COA1: variants seen among roughly 807,000 people sequenced by gnomAD.
COA1 encodes the protein cytochrome c oxidase assembly factor 1 homolog.
COA1 carries 13 observed loss-of-function variants against 16.0 expected under a neutral mutation model. The observed-to-expected ratio is 0.81, with a 90% confidence interval of 0.53 to 1.29. COA1 has a LOEUF of 1.29. COA1 is among the 50% of genes most tolerant of loss of function. The probability of loss-of-function intolerance (pLI) is 0.00; values close to 1 mark genes in which losing one functional copy is unlikely to be tolerated. For missense variants in COA1, 179 were observed against 177.0 expected (o/e 1.01, Z -0.06); for synonymous variants, 65 against 65.7 (o/e 0.99, Z 0.05).
At chr7:43,621,442 T>C (rs553400999) in intron 6 of COA1, among the ~76,000 whole-genome samples, 3 of 152,328 alleles carry the variant, frequency 2.0e-5, no homozygotes, top group South Asian at 2.1e-4. Flanking sequence ...ATAGTAATTA[T>C]TGCCCTGAAT....
At chr7:43,619,543 T>C in intron 6 of COA1, 1 of 1,585,142 alleles carries the variant, frequency 6.3e-7, no homozygotes, top group South Asian at 1.2e-5. Context: ...GCTGCATGTT[T>C]TGTGTACTTA....
intron 6 of COA1, among the ~76,000 whole-genome samples, chr7:43,628,132 A>G (rs983711151): frequency 6.6e-6 from 1 of 151,908 alleles, no homozygotes; most frequent in Non-Finnish European, 1.5e-5. Flanking sequence ...GATTACAGGC[A>G]TGCGCCACCA....
intron 1 of COA1, among the ~76,000 whole-genome samples, chr7:43,675,618 AGAGT>A (rs2093480041): frequency 6.6e-6 from 1 of 152,220 alleles, no homozygotes; most frequent in East Asian, 1.9e-4. Context: ...AAATAAAAAA[AGAGT>A]AAGTGTAAAT....
chr7:43,679,135 C>T (rs907545689), intron 1 of COA1, among the ~76,000 whole-genome samples: 1 of 151,918 alleles, frequency 6.6e-6, no homozygotes, highest in Non-Finnish European at 1.5e-5. Flanking sequence ...GGCATGGTGG[C>T]GTGCGCCTGT....
chr7:43,679,696 C>A (rs73690127), intron 1 of COA1, among the ~76,000 whole-genome samples: 105 of 152,308 alleles, frequency 6.9e-4, no homozygotes, highest in African/African-American at 2.5e-3. Flanking sequence ...GACTTAAAAT[C>A]AGTCTTATAA....
At chr7:43,638,496 T>C (rs1456648790), downstream of COA1, among the ~76,000 whole-genome samples, 1 of 152,110 alleles carries the variant, frequency 6.6e-6, no homozygotes, top group Non-Finnish European at 1.5e-5. Context: ...TTAAGTTGTT[T>C]GGAAAGCAGA....
At chr7:43,640,087 C>T (rs1253982601) in intron 5 of COA1, among the ~76,000 whole-genome samples, 1 of 152,188 alleles carries the variant, frequency 6.6e-6, no homozygotes, top group Non-Finnish European at 1.5e-5. Context: ...AATTAAAATA[C>T]AGCCTGGCTA....
chr7:43,690,139 T>G (rs900841074), intron 1 of COA1, among the ~76,000 whole-genome samples: 1 of 152,160 alleles, frequency 6.6e-6, no homozygotes, highest in Non-Finnish European at 1.5e-5. Flanking sequence ...AGGGAACACT[T>G]TTACACTGTT....
intron 1 of COA1, among the ~76,000 whole-genome samples, chr7:43,723,596 A>G (rs1487874658): frequency 6.6e-6 from 1 of 152,038 alleles, no homozygotes; most frequent in Non-Finnish European, 1.5e-5. Context: ...CATGATGGGT[A>G]ATTTCCCCAA....
chr7:43,690,202 T>C (rs917178775), intron 1 of COA1, among the ~76,000 whole-genome samples: 11 of 152,182 alleles, frequency 7.2e-5, no homozygotes, highest in African/African-American at 2.4e-4. Context: ...GAAGATTCCT[T>C]AAAGAACTAA....
At position 43,613,962 on chromosome 7, in the gene COA1, G is replaced by A. The variant is rs967930853; in HGVS notation, c.*134-4467C>T. On this transcript the variant is annotated intron_variant and NMD_transcript_variant, in intron 6 of 6. Coordinates refer to the COA1 transcript ENST00000415076. ...ATCAGTATATTACTTGAAAGCAGGG[G>A]TAATAAAAACATTCCTAAACAGTCC... Among the ~76,000 whole-genome samples, 7 of 152,100 alleles carry A rather than the reference G, an allele frequency of 4.6e-5. 1 individual carries two copies. Among genetic ancestry groups the A allele is most frequent in the Admixed American group, 1.3e-4 (2 of 15,278 alleles).
At chr7:43,688,469 T>C (rs1329591662) in intron 1 of COA1, among the ~76,000 whole-genome samples, 1 of 152,202 alleles carries the variant, frequency 6.6e-6, no homozygotes, top group Non-Finnish European at 1.5e-5. Context: ...TCCATAACTT[T>C]ATCAAATGTA....
chr7:43,640,301 T>TATG (rs1231752427), intron 5 of COA1, among the ~76,000 whole-genome samples: 5 of 152,204 alleles, frequency 3.3e-5, no homozygotes, highest in African/African-American at 1.2e-4. Flanking sequence ...AGCATCAAAT[T>TATG]ATGATAGACC....
At chr7:43,666,892 A>C (rs757805557) in intron 1 of COA1, among the ~76,000 whole-genome samples, 1 of 152,220 alleles carries the variant, frequency 6.6e-6, no homozygotes, top group African/African-American at 2.4e-5. Context: ...TCAAAAGGGT[A>C]TTATATGGTC....
At chr7:43,684,993 AGCTCACTAGTTAGTGAGCAGTG>A (rs2093951909) in intron 1 of COA1, among the ~76,000 whole-genome samples, 1 of 152,128 alleles carries the variant, frequency 6.6e-6, no homozygotes, top group Admixed American at 6.5e-5. Context: ...AGTGAAAACT[AGCTCACTAGTTAGTGAGCAGTG>A]GCTCACACCT....
chr7:43,652,112 C>T (rs577546437), intron 1 of COA1, among the ~76,000 whole-genome samples: 1 of 152,328 alleles, frequency 6.6e-6, no homozygotes, highest in Admixed American at 6.5e-5. Flanking sequence ...TCGCAATCTG[C>T]AGCCGGGCTT....
chr7:43,727,538 A>G (rs910354560), intron 1 of COA1, among the ~76,000 whole-genome samples: 3 of 152,266 alleles, frequency 2.0e-5, no homozygotes, highest in Non-Finnish European at 2.9e-5. Flanking sequence ...AATAAAAAAA[A>G]GTACTGACAC....
intron 6 of COA1, among the ~76,000 whole-genome samples, chr7:43,630,072 G>C (rs1416026126): frequency 6.6e-6 from 1 of 152,112 alleles, no homozygotes; most frequent in Non-Finnish European, 1.5e-5. Context: ...TTTGTATGTG[G>C]ATGCCTTCAC....
chr7:43,628,006 A>G (rs2084766219), intron 6 of COA1, among the ~76,000 whole-genome samples: 1 of 151,972 alleles, frequency 6.6e-6, no homozygotes, highest in South Asian at 2.1e-4. Context: ...TGTTGTTGAG[A>G]CTGGAGTTTT....
Sources: gnomAD v4.1 joint callset for allele counts (sites outside exome capture counted in the v4.1 genomes callset) on GRCh38, gnomAD v4.1.1 for gene constraint, MANE v1.5 for transcripts, NCBI Gene and HGNC (gene_info 2026-07-23, HGNC 2026-07-21) for gene names.